GLRA1: variants seen among roughly 807,000 people sequenced by gnomAD.
GLRA1 encodes the protein glycine receptor subunit alpha-1.
A neutral mutation model predicts 48.3 loss-of-function variants in GLRA1; 37 were observed. The observed-to-expected ratio is 0.77, with a 90% CI of 0.59 to 1.01. The LOEUF is 1.01. Ranked by LOEUF, GLRA1 falls within the 50% of genes least tolerant of loss-of-function variation. The pLI, the probability that GLRA1 is intolerant of heterozygous loss-of-function variation, is 0.00. For synonymous variants in GLRA1, 196 were observed against 210.7 expected, an observed-to-expected ratio of 0.93 and a Z score of 0.60; for missense variants, 427 against 571.0, an observed-to-expected ratio of 0.75 and a Z score of 2.57.
chr5:151,824,068 T>A (rs1259796543), intron 8 of GLRA1, among the ~76,000 whole-genome samples: 2 of 151,184 alleles, frequency 1.3e-5, no homozygotes, highest in Admixed American at 1.3e-4. Flanking sequence ...CTTGTTCCTG[T>A]GCAGGACCGG....
intron 7 of GLRA1, among the ~76,000 whole-genome samples, chr5:151,831,238 C>T (rs979856689): frequency 5.3e-5 from 8 of 152,200 alleles, no homozygotes; most frequent in South Asian, 2.1e-4. Flanking sequence ...GGACAGACAC[C>T]GAGCTAGCTG....
At chr5:151,848,542 G>C (rs1752740543) in intron 7 of GLRA1, among the ~76,000 whole-genome samples, 1 of 152,020 alleles carries the variant, frequency 6.6e-6, no homozygotes, top group African/African-American at 2.4e-5. Context: ...AAGAGTTTCT[G>C]TGTTTCTGTC....
rs1024146002 is a variant in GLRA1, at chr5:151,869,091, C to T, written c.253-9083G>A. 3.3e-5 allele frequency among the ~76,000 whole-genome samples: 5 copies of T among 151,356 alleles called. No homozygotes were observed. The East Asian group carries it at 9.7e-4, about 29-fold the overall frequency. ...TCTGTTTATTGGGTGTATTGGATGT[C>T]TGACATTTGCTAAATTTTTTTTTTT... On this transcript the variant is annotated intron_variant, in intron 3 of 8. Transcript: ENST00000274576.
In GLRA1 at chr5:151,894,495, C is replaced by T. The variant is rs139958731; in HGVS notation, c.57-2057G>A. Among the ~76,000 whole-genome samples the T allele has an allele frequency of 1.3e-3, 199 of 152,246 alleles. 1 individual carries two copies. The East Asian group carries it at 0.014, about 11-fold the overall frequency. On this transcript the variant is annotated intron_variant, in intron 1 of 8. Transcript: ENST00000274576. ...TTCCCCAGATGACGTCAATATACTT[C>T]CACTCTCTAGGATTAGACGCCTCAG... is the stretch of plus-strand genomic sequence containing the variant.
In GLRA1 at chr5:151,828,949, C is replaced by T. The variant is rs199618583; in HGVS notation, c.1031G>A (p.Arg344Gln). 9.1e-5 allele frequency: 147 copies of T among 1,613,852 alleles called. No individual in the cohort carries two copies. The highest frequency in any genetic ancestry group is 1.1e-4 in the Non-Finnish European group (130 of 1,179,928). The stretch of plus-strand genomic sequence containing the variant: ...GTGATGTCTCCGCTTCCTCCTGAAT[C>T]GGAGCAGCTCCTTATGTTGCCGAGA... ...FVSRQHKELL[R>Q]FRRKRRHHKE... Residue 344 changes from arginine to glutamine, a missense_variant, in exon 8 of 9, where the codon CGA becomes CAA. This residue lies in a region of GLRA1 where 271 missense variants were observed against 434.9 expected (regional missense o/e 0.62). Coordinates refer to ENST00000274576, the MANE Select transcript of GLRA1 (RefSeq NM_000171.4).
intron 7 of GLRA1, among the ~76,000 whole-genome samples, chr5:151,846,036 T>C (rs1752667418): frequency 6.6e-6 from 1 of 152,144 alleles, no homozygotes; most frequent in Admixed American, 6.5e-5. Context: ...TAAGTATCCA[T>C]TTATTGTTAC....
At chr5:151,865,528 AC>A (rs988742063) in intron 3 of GLRA1, among the ~76,000 whole-genome samples, 13 of 152,272 alleles carry the variant, frequency 8.5e-5, no homozygotes, top group African/African-American at 2.4e-4. Flanking sequence ...AGAAATTTGA[AC>A]TTTTTCCTAA....
chr5:151,850,079 G>T, intron 7 of GLRA1: 1 of 1,604,066 alleles, frequency 6.2e-7, no homozygotes, highest in Non-Finnish European at 8.5e-7. Flanking sequence ...GCATGGAGCA[G>T]GAATATACCC....
At chr5:151,858,966 A>C (rs1433670408) in intron 4 of GLRA1, among the ~76,000 whole-genome samples, 1 of 152,218 alleles carries the variant, frequency 6.6e-6, no homozygotes, top group Non-Finnish European at 1.5e-5. Context: ...ATTAGAATCT[A>C]GGCTCTGCTA....
chr5:151,889,236 C>A (rs1753995233), intron 2 of GLRA1, among the ~76,000 whole-genome samples: 1 of 152,234 alleles, frequency 6.6e-6, no homozygotes, highest in Non-Finnish European at 1.5e-5. Flanking sequence ...CTGCCTTTGG[C>A]AGCAGGATAA....
At chr5:151,852,591 C>G (rs1003000412) in intron 6 of GLRA1, among the ~76,000 whole-genome samples, 10 of 152,210 alleles carry the variant, frequency 6.6e-5, no homozygotes, top group African/African-American at 2.4e-4. Flanking sequence ...TCCTGGAGTT[C>G]CCTGGACTGT....
intron 3 of GLRA1, among the ~76,000 whole-genome samples, chr5:151,870,268 G>T (rs1280448702): frequency 6.7e-6 from 1 of 149,306 alleles, no homozygotes; most frequent in East Asian, 1.9e-4. Context: ...TTTATAACTG[G>T]TTGCCAAAGG....
intron 6 of GLRA1, among the ~76,000 whole-genome samples, chr5:151,853,758 G>A (rs180826058): frequency 1.3e-3 from 200 of 152,110 alleles, no homozygotes; most frequent in African/African-American, 4.5e-3. Flanking sequence ...TGTTTTTGGT[G>A]TTATATCTAG....
chr5:151,921,701 C>T (rs1476889273), intron 1 of GLRA1, among the ~76,000 whole-genome samples: 1 of 152,120 alleles, frequency 6.6e-6, no homozygotes, highest in East Asian at 1.9e-4. Context: ...GTGCTTCTAC[C>T]ATTAAAAAAA....
chr5:151,823,044 C>T (rs1356292967), intron 8 of GLRA1, 81 bp from the exon 9 acceptor site: 5 of 1,215,538 alleles, frequency 4.1e-6, no homozygotes, highest in African/African-American at 1.5e-5. Context: ...CCCTTGGGGG[C>T]CAGGCCATGC....
chr5:151,828,024 C>T (rs934763071), intron 8 of GLRA1, among the ~76,000 whole-genome samples: 22 of 152,122 alleles, frequency 1.4e-4, no homozygotes, highest in African/African-American at 5.3e-4. Context: ...CAAACACGGT[C>T]TCTGCCTTTA....
chr5:151,832,123 C>G (rs1399472219), intron 7 of GLRA1, among the ~76,000 whole-genome samples: 1 of 152,168 alleles, frequency 6.6e-6, no homozygotes, highest in Admixed American at 6.5e-5. Flanking sequence ...AAAGGACATC[C>G]ACACAGAAAT....
rs757336792 is a variant in GLRA1, at chr5:151,833,796, CAAAA to C, written c.913-4733_913-4730del. On this transcript the variant is annotated intron_variant, in intron 7 of 8. Coordinates refer to ENST00000274576, the MANE Select transcript of GLRA1 (RefSeq NM_000171.4). ...GGATATTTACCAAGGAAGTGGAAAGCAAAAAAAAAAAAAAAAAAAGCAGGGGTTG... is the reference window on the plus strand; with the variant it reads ...GGATATTTACCAAGGAAGTGGAAAGCAAAAAAAAAAAAAAAGCAGGGGTTG... 4.0e-4 allele frequency among the ~76,000 whole-genome samples: 26 copies of C among 64,774 alleles called. 1 individual carries two copies. The highest frequency in any genetic ancestry group is 2.9e-3 in the Admixed American group (16 of 5,436). 42.5% of individuals were successfully genotyped at this position (64,774 alleles called of 152,430 possible).
intron 7 of GLRA1, 146 bp downstream of exon 7, chr5:151,851,244 T>C: frequency 1.5e-6 from 1 of 666,116 alleles, no homozygotes; most frequent in South Asian, 1.7e-5. Flanking sequence ...GTGTAGAACC[T>C]GCAAAGATCT....
Sources: gnomAD v4.1 joint callset for allele counts (sites outside exome capture counted in the v4.1 genomes callset) on GRCh38, gnomAD v4.1.1 for gene constraint, gnomAD v4.1.1 regional missense constraint, MANE v1.5 for transcripts, NCBI Gene and HGNC (gene_info 2026-07-23, HGNC 2026-07-21) for gene names.